MICAL2: variants seen among roughly 807,000 people sequenced by gnomAD.
MICAL2 encodes the protein [F-actin]-monooxygenase MICAL2.
A neutral mutation model predicts 127.3 loss-of-function variants in MICAL2; 77 were observed. That is an observed-to-expected ratio of 0.60 (90% confidence interval 0.50 to 0.73). The LOEUF (loss-of-function observed/expected upper bound fraction) is 0.73. MICAL2 is among the 30% of genes least tolerant of loss of function. The probability of loss-of-function intolerance (pLI) is 0.00; values close to 1 mark genes in which losing one functional copy is unlikely to be tolerated. For synonymous variants in MICAL2, 570 were observed against 551.1 expected (o/e 1.03, Z -0.48); for missense variants, 1,351 against 1,434.4 (o/e 0.94, Z 0.94).
downstream of MICAL2, among the ~76,000 whole-genome samples, chr11:12,295,038 A>G (rs1189008705): frequency 6.6e-6 from 1 of 152,190 alleles, no homozygotes; most frequent in Non-Finnish European, 1.5e-5. Context: ...AAATTATAGA[A>G]AGTTGAAAAG....
At chr11:12,349,662 A>C (rs1939015238) in intron 32 of MICAL2, among the ~76,000 whole-genome samples, 1 of 152,300 alleles carries the variant, frequency 6.6e-6, no homozygotes, top group South Asian at 2.1e-4. Context: ...CACAGCATGC[A>C]CAGGTGGGTT....
downstream of MICAL2, chr11:12,292,284 C>T (rs972793183): frequency 1.9e-6 from 3 of 1,614,044 alleles, no homozygotes; most frequent in Non-Finnish European, 2.5e-6. Flanking sequence ...CCAGATGGTT[C>T]CTCCCCGCCT....
chr11:12,287,315 C>T, downstream of MICAL2: 1 of 391,382 alleles, frequency 2.6e-6, no homozygotes, highest in Non-Finnish European at 4.5e-6. Context: ...ATAAGCTTGA[C>T]TTTATTTCCA....
At chr11:12,144,629 A>G (rs901434435) in intron 2 of MICAL2, among the ~76,000 whole-genome samples, 2 of 152,214 alleles carry the variant, frequency 1.3e-5, no homozygotes, top group Non-Finnish European at 2.9e-5. Flanking sequence ...ACGGTTCTGC[A>G]GCCTCCGAGC....
At chr11:12,204,527 G>A (rs761917863) in intron 4 of MICAL2, 70 bp downstream of exon 4, 14 of 1,469,196 alleles carry the variant, frequency 9.5e-6, no homozygotes, top group Non-Finnish European at 1.3e-5. Context: ...ATCTCTCCAG[G>A]TCTAGGAGTC....
chr11:12,276,382 C>T lies in MICAL2; in HGVS notation c.87+216C>T, dbSNP rs142450126. 513 of 383,976 alleles carry T rather than the reference C, an allele frequency of 1.3e-3. 3 individuals carry two copies. In the East Asian group the frequency reaches 0.017, roughly 13 times the overall value. 23.8% of individuals were successfully genotyped at this position (383,976 alleles called of 1,614,324 possible). A position where few individuals can be genotyped will look rare whatever the true frequency, so the allele number is the denominator to read the frequency against. ...TTAAGTGTATAGAACAGTGCCCACACGTCATAAGCACTGTAAGTGTTAGCA... is the reference window on the plus strand; with the variant it reads ...TTAAGTGTATAGAACAGTGCCCACATGTCATAAGCACTGTAAGTGTTAGCA... On this transcript the variant is annotated intron_variant, in intron 1 of 2. Coordinates refer to the MICAL2 transcript ENST00000529028.
At chr11:12,172,244 G>A (rs1194549016) in intron 3 of MICAL2, among the ~76,000 whole-genome samples, 1 of 152,180 alleles carries the variant, frequency 6.6e-6, no homozygotes, top group African/African-American at 2.4e-5. Flanking sequence ...AGCTCCATGG[G>A]CACAGGAATT....
intron 1 of MICAL2, among the ~76,000 whole-genome samples, chr11:12,125,910 A>G (rs1403615251): frequency 1.3e-5 from 2 of 152,078 alleles, no homozygotes; most frequent in African/African-American, 2.4e-5. Flanking sequence ...GGGATGCCTG[A>G]TTGGCTAATG....
At chr11:12,271,225 C>T (rs1322919160), upstream of MICAL2, among the ~76,000 whole-genome samples, 1 of 152,240 alleles carries the variant, frequency 6.6e-6, no homozygotes, top group Non-Finnish European at 1.5e-5. Context: ...CTGCAGGGTG[C>T]TGGATCCTTC....
chr11:12,186,510 C>T (rs1359588138), intron 3 of MICAL2, among the ~76,000 whole-genome samples: 2 of 152,096 alleles, frequency 1.3e-5, no homozygotes. Flanking sequence ...TTATTTATCC[C>T]ACGATTTGAG....
downstream of MICAL2, among the ~76,000 whole-genome samples, chr11:12,288,461 T>TCGC (rs1376975074): frequency 6.6e-6 from 1 of 152,074 alleles, no homozygotes; most frequent in East Asian, 1.9e-4. Flanking sequence ...TAGGGCTGGG[T>TCGC]CGCTGGGGGA....
At chr11:12,137,178 C>T (rs909891929) in intron 1 of MICAL2, among the ~76,000 whole-genome samples, 2 of 152,194 alleles carry the variant, frequency 1.3e-5, no homozygotes, top group South Asian at 2.1e-4. Context: ...GCACAAGCCC[C>T]GAGGGGTGTG....
At chr11:12,284,968 C>T (rs528818552) in intron 2 of MICAL2, among the ~76,000 whole-genome samples, 3 of 152,216 alleles carry the variant, frequency 2.0e-5, no homozygotes, top group South Asian at 4.1e-4. Flanking sequence ...AGGGGAATTG[C>T]GATAGAAAAA....
At chr11:12,351,649 C>T (rs535123451) in intron 33 of MICAL2, among the ~76,000 whole-genome samples, 7 of 152,246 alleles carry the variant, frequency 4.6e-5, no homozygotes, top group South Asian at 2.1e-4. Context: ...AAATTTACCT[C>T]CCCTGGGGTG....
At chr11:12,214,398 T>G (rs1250386168) in intron 7 of MICAL2, among the ~76,000 whole-genome samples, 7 of 152,188 alleles carry the variant, frequency 4.6e-5, no homozygotes, top group African/African-American at 1.7e-4. Context: ...TTCTTGCTTG[T>G]TATGTGACTG....
chr11:12,313,608 G>A (rs1470584088), intron 29 of MICAL2, among the ~76,000 whole-genome samples: 1 of 152,084 alleles, frequency 6.6e-6, no homozygotes, highest in African/African-American at 2.4e-5. Context: ...TATGTACATA[G>A]ATATTAATAT....
chr11:12,216,360 G>T, intron 8 of MICAL2, 41 bp downstream of exon 8: 1 of 1,486,164 alleles, frequency 6.7e-7, no homozygotes, highest in South Asian at 1.1e-5. Flanking sequence ...TTCGCGACCT[G>T]GGCTGGTGAC....
At chr11:12,348,664 G>A (rs1938995859) in intron 32 of MICAL2, among the ~76,000 whole-genome samples, 1 of 152,188 alleles carries the variant, frequency 6.6e-6, no homozygotes, top group Non-Finnish European at 1.5e-5. Context: ...GCAGGAGGGA[G>A]GGAGAAATAT....
intron 32 of MICAL2, among the ~76,000 whole-genome samples, chr11:12,349,646 C>T (rs146638753): frequency 1.2e-4 from 19 of 152,248 alleles, no homozygotes; most frequent in African/African-American, 3.9e-4. Context: ...CCCTCACACA[C>T]GTACCCACAG....
Sources: gnomAD v4.1 joint callset for allele counts (sites outside exome capture counted in the v4.1 genomes callset) on GRCh38, gnomAD v4.1.1 for gene constraint, MANE v1.5 for transcripts, NCBI Gene and HGNC (gene_info 2026-07-23, HGNC 2026-07-21) for gene names.